Variants in AGAP1 observed in about 807,000 individuals in gnomAD.
The protein encoded by AGAP1 is ArfGAP with GTPase domain, ankyrin repeat and PH domain 1.
Under a neutral mutation model 105.3 loss-of-function variants are expected in AGAP1, and 29 were observed. That is an observed-to-expected ratio of 0.28 (90% CI 0.21 to 0.38). The LOEUF (loss-of-function observed/expected upper bound fraction) is 0.38, where lower values mean the gene tolerates loss of function less well. AGAP1 is among the 10% of genes least tolerant of loss of function. The pLI is 1.00. For missense variants in AGAP1, 998 were observed against 1,165.1 expected (o/e 0.86, Z 2.09); for synonymous variants, 509 against 485.9 (o/e 1.05, Z -0.63).
At chr2:235,859,541 G>GTT (rs34414886) in intron 9 of AGAP1, among the ~76,000 whole-genome samples, 18,233 of 144,556 alleles carry the variant, frequency 0.13, 3,161 homozygotes, top group African/African-American at 0.4. Flanking sequence ...TTTCTGAGCA[G>GTT]TTTTTTTTTT....
intron 6 of AGAP1, chr2:235,774,172 TC>T: frequency 2.6e-6 from 1 of 380,274 alleles, no homozygotes; most frequent in East Asian, 7.3e-5. Context: ...ATGCCCTTAT[TC>T]TTGATATTAT....
At position 235,972,695 on chromosome 2, in the gene AGAP1, C is replaced by T. The variant is rs59359977; in HGVS notation, c.1645+4072C>T. Among the ~76,000 whole-genome samples, 1,236 of 152,248 alleles carry T rather than the reference C, an allele frequency of 8.1e-3. 20 individuals are homozygous for T. The highest frequency in any genetic ancestry group is 0.028 in the African/African-American group (1,167 of 41,548). ...AGAGGCCAAAAGCCCTGAGAGCCCA[C>T]GATGCCAGTCACACAGTTGGCTCCC... On this transcript the variant is annotated intron_variant, in intron 13 of 17. Transcript: ENST00000304032.
rs1946124993 is a variant in AGAP1, at chr2:235,611,541, C to T, written c.164-97638C>T. Among the ~76,000 whole-genome samples, 2 of 152,154 alleles carry T rather than the reference C, an allele frequency of 1.3e-5. No homozygotes were observed. Among genetic ancestry groups the T allele is most frequent in the Admixed American group, 6.6e-5 (1 of 15,266 alleles). ...GGTGGTGATTTATGATGCCTGTGTA[C>T]TTCCCTGTGGTGCCCAGGCCTGCAG... On this transcript the variant is annotated intron_variant, in intron 1 of 17. Transcript: ENST00000304032. The surrounding 1 kb of genome is among the most constrained non-coding windows in gnomAD (Gnocchi z 5.0).
chr2:235,731,726 C>T (rs556670723), intron 3 of AGAP1, among the ~76,000 whole-genome samples: 5 of 152,216 alleles, frequency 3.3e-5, no homozygotes, highest in South Asian at 2.1e-4. Context: ...AGCTGACAGC[C>T]GACATGGATT....
chr2:235,503,422 G>A (rs1029504976), intron 1 of AGAP1, among the ~76,000 whole-genome samples: 8 of 152,122 alleles, frequency 5.3e-5, no homozygotes, highest in African/African-American at 1.9e-4. Flanking sequence ...TCAGCCTGGT[G>A]AACCTGATTT....
intron 16 of AGAP1, among the ~76,000 whole-genome samples, chr2:236,108,784 GC>G (rs1576325187): frequency 6.6e-6 from 1 of 151,820 alleles, no homozygotes; most frequent in Non-Finnish European, 1.5e-5. Flanking sequence ...CCCCCAGAGC[GC>G]CCCAGCCCTG....
chr2:235,739,999 CAA>C lies in AGAP1; in HGVS notation c.311-963_311-962del, dbSNP rs1311007567. 1.3e-5 allele frequency among the ~76,000 whole-genome samples: 2 copies of C among 152,184 alleles called. No individual in the cohort carries two copies. The highest frequency in any genetic ancestry group is 4.8e-5 in the African/African-American group (2 of 41,438). On this transcript the variant is annotated intron_variant, in intron 3 of 17. Transcript: ENST00000304032. This position sits in a 1 kb window ranked among gnomAD's most constrained non-coding sequence, Gnocchi z 5.3. ...GGCATCTGCACAGAGGAGCGGAAGA[CAA>C]GAGCTGGGAACCGATGCGTGCCTTC...
intron 16 of AGAP1, among the ~76,000 whole-genome samples, chr2:236,111,804 A>T (rs1020906600): frequency 2.5e-4 from 38 of 151,546 alleles, no homozygotes; most frequent in African/African-American, 9.3e-4. Context: ...AAAAAAAAAA[A>T]AAAGAAAGGG....
intron 1 of AGAP1, among the ~76,000 whole-genome samples, chr2:235,628,289 C>G (rs150814415): frequency 6.6e-6 from 1 of 152,294 alleles, no homozygotes; most frequent in East Asian, 1.9e-4. Context: ...CTGTGAGCTG[C>G]TCCACTTGGT....
At position 236,126,181 on chromosome 2, in the gene AGAP1, A is replaced by C. The variant is rs988381209; in HGVS notation, c.*2059A>C. ...AAGTATAACAGGTGCAGAAGCCACA[A>C]GTCTGAGAACCTTGACGACAGTTCC... On this transcript the variant is annotated 3_prime_UTR_variant, in exon 18 of 18. Coordinates refer to ENST00000304032, the MANE Select transcript of AGAP1 (RefSeq NM_001037131.3). 1.4e-4 allele frequency: 22 copies of C among 152,244 alleles called. No individual in the cohort carries two copies. Among genetic ancestry groups the C allele is most frequent in the African/African-American group, 5.3e-4 (22 of 41,472 alleles). 9.4% of individuals were successfully genotyped at this position (152,244 alleles called of 1,614,324 possible). A position where few individuals can be genotyped will look rare whatever the true frequency, so the allele number is the denominator to read the frequency against.
At chr2:235,715,292 A>G (rs1951045483) in intron 2 of AGAP1, among the ~76,000 whole-genome samples, 1 of 152,150 alleles carries the variant, frequency 6.6e-6, no homozygotes, top group African/African-American at 2.4e-5. Flanking sequence ...ACAAGTGTAC[A>G]GATTCGGAGC....
At position 236,045,572 on chromosome 2, in the gene AGAP1, G is replaced by T. The variant is rs1022795692; in HGVS notation, c.1892-3487G>T. ...TAGCAGGTGGCACGCACACAGGTGT[G>T]AGGGCCTGGAGAGCAGGCAGGGCCG... On this transcript the variant is annotated intron_variant, in intron 15 of 17. Coordinates refer to ENST00000304032, the MANE Select transcript of AGAP1 (RefSeq NM_001037131.3). This position sits in a 1 kb window ranked among gnomAD's most constrained non-coding sequence, Gnocchi z 6.9. Among the ~76,000 whole-genome samples the T allele has an allele frequency of 6.6e-6, 1 of 152,236 alleles. No homozygotes were observed. The highest frequency in any genetic ancestry group is 2.1e-4 in the South Asian group (1 of 4,830).
chr2:235,749,959 A>C (rs1953294192), intron 5 of AGAP1, among the ~76,000 whole-genome samples: 1 of 152,176 alleles, frequency 6.6e-6, no homozygotes, highest in South Asian at 2.1e-4. Flanking sequence ...ACAAGTGACC[A>C]CACCTAGAAG....
intron 9 of AGAP1, among the ~76,000 whole-genome samples, chr2:235,823,716 GT>G (rs1441673748): frequency 1.2e-4 from 18 of 152,120 alleles, no homozygotes; most frequent in Non-Finnish European, 7.3e-5. Context: ...ATTGCGACTG[GT>G]CAGCTTTTTC....
rs1339405069 is a variant in AGAP1, at chr2:235,961,297, T to C, written c.1484-7165T>C. Among the ~76,000 whole-genome samples the C allele has an allele frequency of 6.6e-6, 1 of 152,196 alleles. No individual in the cohort carries two copies. On this transcript the variant is annotated intron_variant, in intron 12 of 17. Coordinates refer to ENST00000304032, the MANE Select transcript of AGAP1 (RefSeq NM_001037131.3). This position sits in a 1 kb window ranked among gnomAD's most constrained non-coding sequence, Gnocchi z 5.9. ...TCCTTTGGCTCCTGGAGTCTAAAAC[T>C]TCCTGGTGTCCCTTCTGCCTGCCTA...
In AGAP1 at chr2:235,893,705, GTGT is replaced by G. The variant is rs2050666148; in HGVS notation, c.1155+10258_1155+10260del. Among the ~76,000 whole-genome samples, 1 of 152,180 alleles carries G rather than the reference GTGT, an allele frequency of 6.6e-6. No individual in the cohort carries two copies. The highest frequency in any genetic ancestry group is 2.1e-4 in the South Asian group (1 of 4,830). On this transcript the variant is annotated intron_variant, in intron 10 of 17. Coordinates refer to ENST00000304032, the MANE Select transcript of AGAP1 (RefSeq NM_001037131.3). This position sits in a 1 kb window ranked among gnomAD's most constrained non-coding sequence, Gnocchi z 4.7. ...GTGTATGTCATTGAGGAGGAGGGCT[GTGT>G]TCCCCACAGTCTGCCCAGGGGCTGT... is the stretch of plus-strand genomic sequence containing the variant.
chr2:236,031,607 C>T (rs1468462579), intron 13 of AGAP1, among the ~76,000 whole-genome samples: 1 of 152,142 alleles, frequency 6.6e-6, no homozygotes, highest in Non-Finnish European at 1.5e-5. Flanking sequence ...TCCCACCAGT[C>T]TCCTCTGAAA....
At chr2:235,541,376 C>CTTTTTTTTTTTTTTTTTTT (rs556785424) in intron 1 of AGAP1, among the ~76,000 whole-genome samples, 2 of 91,108 alleles carry the variant, frequency 2.2e-5, no homozygotes, top group Non-Finnish European at 4.3e-5. Context: ...CATTCTTATT[C>CTTTTTTTTTTTTTTTTTTT]TTTTTTTTTT....
In AGAP1 at chr2:236,040,522, A is replaced by T; in HGVS notation, c.1801-229A>T. The stretch of plus-strand genomic sequence containing the variant: ...GCTCATTTCTGGCAGAGTCCGTCTC[A>T]GCTGATGAGTTAAAATGTGACATTT... On this transcript the variant is annotated intron_variant, in intron 14 of 17. Transcript: ENST00000304032. The surrounding 1 kb of genome is among the most constrained non-coding windows in gnomAD (Gnocchi z 5.6). The T allele has an allele frequency of 1.9e-6, 1 of 538,476 alleles. No homozygotes were observed. The highest frequency in any genetic ancestry group is 3.3e-6 in the Non-Finnish European group (1 of 298,824). The allele number at this position is 538,476 out of a possible 1,614,324, so 33.4% of individuals were successfully genotyped here. A position where few individuals can be genotyped will look rare whatever the true frequency, so the allele number is the denominator to read the frequency against.
Sources: gnomAD v4.1 joint callset for allele counts (sites outside exome capture counted in the v4.1 genomes callset) on GRCh38, gnomAD v4.1.1 for gene constraint, Gnocchi (gnomAD v3.1) non-coding constraint, MANE v1.5 for transcripts, NCBI Gene and HGNC (gene_info 2026-07-23, HGNC 2026-07-21) for gene names.